CFAP91: variants seen among roughly 807,000 people sequenced by gnomAD.
CFAP91 encodes cilia- and flagella-associated protein 91.
Under a neutral mutation model 95.9 loss-of-function variants are expected in CFAP91, and 85 were observed. The ratio of observed to expected loss-of-function variants is 0.89; its 90% CI spans 0.74 to 1.06. CFAP91 has a LOEUF of 1.06. Ranked by LOEUF, CFAP91 falls within the 50% of genes least tolerant of loss-of-function variation. The probability of loss-of-function intolerance (pLI) is 0.00; values close to 1 mark genes in which losing one functional copy is unlikely to be tolerated. For missense variants in CFAP91, 962 were observed against 943.4 expected, an observed-to-expected ratio of 1.02 and a Z score of -0.26; for synonymous variants, 335 against 327.5, an observed-to-expected ratio of 1.02 and a Z score of -0.25.
chr3:119,733,173 C>T (rs1360446212), intron 9 of CFAP91, among the ~76,000 whole-genome samples, 191 bp from the exon 10 acceptor site: 1 of 152,194 alleles, frequency 6.6e-6, no homozygotes, highest in Non-Finnish European at 1.5e-5. Flanking sequence ...GTCTAAGTCA[C>T]TGACAACATG....
At chr3:119,735,502 A>G (rs1298885620) in intron 10 of CFAP91, among the ~76,000 whole-genome samples, 1 of 152,224 alleles carries the variant, frequency 6.6e-6, no homozygotes, top group African/African-American at 2.4e-5. Context: ...TGAGTATTTA[A>G]TAGTGTGTTT....
chr3:119,762,035 G>A (rs547819935), intron 17 of CFAP91, among the ~76,000 whole-genome samples: 5 of 151,938 alleles, frequency 3.3e-5, no homozygotes, highest in African/African-American at 1.2e-4. Flanking sequence ...AAATTGGAAA[G>A]GAAGAAGTTA....
chr3:119,740,449 A>G (rs998844982), intron 12 of CFAP91, 100 bp from the exon 13 acceptor site: 11 of 1,366,610 alleles, frequency 8.0e-6, no homozygotes, highest in African/African-American at 7.3e-5. Flanking sequence ...GACAGAACCC[A>G]CTGTTCACAA....
chr3:119,735,817 C>G (rs999812167), intron 10 of CFAP91, among the ~76,000 whole-genome samples: 1 of 152,096 alleles, frequency 6.6e-6, no homozygotes, highest in Non-Finnish European at 1.5e-5. Flanking sequence ...TCAGCCAATA[C>G]TTTTTTACTT....
chr3:119,764,420 G>A (rs11712308), intron 17 of CFAP91, among the ~76,000 whole-genome samples: 51,524 of 151,984 alleles, frequency 0.34, 10,514 homozygotes, highest in Non-Finnish European at 0.45. Context: ...ATATCTTTGA[G>A]ATGATAACAT....
intron 1 of CFAP91, among the ~76,000 whole-genome samples, chr3:119,704,506 A>G (rs554188073): frequency 2.6e-5 from 4 of 152,304 alleles, no homozygotes; most frequent in South Asian, 2.1e-4. Context: ...GGGTTGCCAC[A>G]TTTAGCAAAT....
At chr3:119,714,306 C>A (rs2053532876) in intron 5 of CFAP91, among the ~76,000 whole-genome samples, 1 of 147,440 alleles carries the variant, frequency 6.8e-6, no homozygotes, top group Non-Finnish European at 1.5e-5. Flanking sequence ...GCGGAGCTTG[C>A]AGTGAGCCGA....
Position 119,703,148 on chromosome 3 carries a change from C to A in CFAP91, c.50C>A (p.Ser17Tyr). Residue 17 changes from serine (S) to tyrosine (Y), a missense_variant, in exon 1 of 18, where the codon TCT becomes TAT. Coordinates refer to ENST00000273390, the MANE Select transcript of CFAP91 (RefSeq NM_033364.4). ...IEEPQAQPQV[S>Y]QTRYRERSRA... is the part of the protein sequence containing the mutation. ...GAGCCCCAGGCCCAGCCGCAGGTGT[C>A]TCAAACTCGGTACCGGGAGAGGTCG... 6.3e-7 allele frequency: 1 copy of A among 1,595,430 alleles called. No individual in the cohort carries two copies. Among genetic ancestry groups the A allele is most frequent in the Non-Finnish European group, 8.5e-7 (1 of 1,170,576 alleles).
At position 119,739,244 on chromosome 3, in the gene CFAP91, T is replaced by C. The variant is rs760206937; in HGVS notation, c.1462-11T>C. Reference sequence around the variant, plus strand: ...TTCTCAAGCTGCTTGGTTCTCCCTTTGTTCTTTTAGGAAGAAGAAGAAATG... The same window carrying C: ...TTCTCAAGCTGCTTGGTTCTCCCTTCGTTCTTTTAGGAAGAAGAAGAAATG... On this transcript the variant is annotated splice_polypyrimidine_tract_variant and intron_variant, in intron 11 of 17. Coordinates refer to ENST00000273390, the MANE Select transcript of CFAP91 (RefSeq NM_033364.4). The C allele has an allele frequency of 4.3e-6, 7 of 1,613,270 alleles. No homozygotes were observed. The highest frequency in any genetic ancestry group is 1.1e-5 in the South Asian group (1 of 91,060).
chr3:119,743,443 T>C (rs1467295035), intron 13 of CFAP91, among the ~76,000 whole-genome samples: 2 of 152,220 alleles, frequency 1.3e-5, no homozygotes, highest in African/African-American at 4.8e-5. Flanking sequence ...CGAATATTGT[T>C]GTTAATGACT....
rs1424469605 is a variant in CFAP91 at position 119,715,591 on chromosome 3, C to T, written c.530C>T (p.Ser177Phe). The change falls in exon 6 of 18, where the codon TCT becomes TTT. Residue 177 changes from serine to phenylalanine, a missense_variant. By Grantham distance (155) the Ser-to-Phe change is radical. Coordinates refer to ENST00000273390, the MANE Select transcript of CFAP91 (RefSeq NM_033364.4). ...KAEPYTFPPT[S>F]TKHLSIPSKS... Reference sequence around the variant, plus strand: ...GAACCATACACTTTTCCTCCTACTTCTACTAAGCACCTATCCATCCCTTCA... The same window carrying T: ...GAACCATACACTTTTCCTCCTACTTTTACTAAGCACCTATCCATCCCTTCA... 5.0e-6 allele frequency: 8 copies of T among 1,614,020 alleles called. No homozygotes were observed. Among genetic ancestry groups the T allele is most frequent in the Non-Finnish European group, 6.8e-6 (8 of 1,179,990 alleles).
At chr3:119,738,585 G>A (rs1482352427) in intron 11 of CFAP91, among the ~76,000 whole-genome samples, 1 of 151,874 alleles carries the variant, frequency 6.6e-6, no homozygotes, top group African/African-American at 2.4e-5. Context: ...TTGACCTCAG[G>A]TGATCCACCT....
chr3:119,738,081 C>G (rs1463500803), intron 11 of CFAP91, among the ~76,000 whole-genome samples: 1 of 152,164 alleles, frequency 6.6e-6, no homozygotes, highest in African/African-American at 2.4e-5. Context: ...TCAGGCTGTT[C>G]CTCTTGGCTG....
At chr3:119,722,474 C>T (rs914392885) in intron 6 of CFAP91, among the ~76,000 whole-genome samples, 6 of 151,916 alleles carry the variant, frequency 3.9e-5, no homozygotes, top group Non-Finnish European at 8.8e-5. Flanking sequence ...AGAAAAAAAT[C>T]TTGAAAAAAA....
At chr3:119,733,962 G>A (rs1414107543) in intron 10 of CFAP91, among the ~76,000 whole-genome samples, 1 of 152,144 alleles carries the variant, frequency 6.6e-6, no homozygotes, top group African/African-American at 2.4e-5. Flanking sequence ...CTCACAGTAC[G>A]TCATCCACCA....
At chr3:119,725,946 A>G (rs1577215377) in intron 6 of CFAP91, among the ~76,000 whole-genome samples, 1 of 152,156 alleles carries the variant, frequency 6.6e-6, no homozygotes, top group South Asian at 2.1e-4. Context: ...CCAGCATTCT[A>G]CATGCAACTA....
At position 119,704,431 on chromosome 3, in the gene CFAP91, A is replaced by G. The variant is rs2053321714; in HGVS notation, c.124+1209A>G. Among the ~76,000 whole-genome samples, 3 of 152,310 alleles carry G rather than the reference A, an allele frequency of 2.0e-5. 1 individual carries two copies. Among genetic ancestry groups the G allele is most frequent in the African/African-American group, 7.2e-5 (3 of 41,568 alleles). ...GCGGATGAGAACCTGGATGGGGAAA[A>G]TCAGAACTAAGATGCTGTGCTCTCC... On this transcript the variant is annotated intron_variant, in intron 1 of 17. Coordinates refer to ENST00000273390, the MANE Select transcript of CFAP91 (RefSeq NM_033364.4).
At position 119,765,146 on chromosome 3, in the gene CFAP91, C is replaced by A. The variant is rs756734765; in HGVS notation, c.*96C>A. The A allele has an allele frequency of 1.4e-4, 21 of 152,060 alleles. No homozygotes were observed. The highest frequency in any genetic ancestry group is 2.8e-4 in the Non-Finnish European group (19 of 67,990). 9.4% of individuals were successfully genotyped at this position (152,060 alleles called of 1,614,324 possible). A position where few individuals can be genotyped will look rare whatever the true frequency, so the allele number is the denominator to read the frequency against. On this transcript the variant is annotated 3_prime_UTR_variant, in exon 18 of 18. Transcript: ENST00000273390. ...AAGGTGTGCACTGCTCATAAACTTG[C>A]CAGTGTGTGATTCATGAGAAAGGAG...
chr3:119,705,907 A>G (rs2053350314), intron 1 of CFAP91: 1 of 152,206 alleles, frequency 6.6e-6, no homozygotes, highest in African/African-American at 2.4e-5. Flanking sequence ...AGTAAATCGT[A>G]TTTGTTGGGT....
Sources: gnomAD v4.1 joint callset for allele counts (sites outside exome capture counted in the v4.1 genomes callset) on GRCh38, gnomAD v4.1.1 for gene constraint, MANE v1.5 for transcripts, NCBI Gene and HGNC (gene_info 2026-07-23, HGNC 2026-07-21) for gene names.